The following ADAMTS2 variants were observed in gnomAD, a reference collection of about 807,000 sequenced individuals.
ADAMTS2 encodes the protein ADAM metallopeptidase with thrombospondin type 1 motif 2, also known as A disintegrin and metalloproteinase with thrombospondin motifs 2.
Under a neutral mutation model 123.0 loss-of-function variants are expected in ADAMTS2, and 50 were observed. That is an observed-to-expected ratio of 0.41 (90% CI 0.32 to 0.51). The LOEUF (loss-of-function observed/expected upper bound fraction) is 0.51. ADAMTS2 is among the 20% of genes least tolerant of loss of function. The probability of loss-of-function intolerance (pLI) is 0.35; values close to 1 mark genes in which losing one functional copy is unlikely to be tolerated. For synonymous variants in ADAMTS2, 678 were observed against 695.4 expected (o/e 0.98, Z 0.39); for missense variants, 1,494 against 1,705.2 (o/e 0.88, Z 2.18).
rs1364746369 is a variant in ADAMTS2 at position 179,189,776 on chromosome 5, G to C, written c.892-8621C>G. ...ACAATATTACAAAGTATCTTCTTAA[G>C]GATGGGGGTGGGGAAGAATATTACT... On this transcript the variant is annotated intron_variant, in intron 4 of 21. Coordinates refer to ENST00000251582, the MANE Select transcript of ADAMTS2 (RefSeq NM_014244.5). This position sits in a 1 kb window ranked among gnomAD's most constrained non-coding sequence, Gnocchi z 4.2. Among the ~76,000 whole-genome samples the C allele has an allele frequency of 6.6e-6, 1 of 150,416 alleles. No individual in the cohort carries two copies.
At chr5:179,321,785 AGCT>A (rs1757187846) in intron 2 of ADAMTS2, among the ~76,000 whole-genome samples, 1 of 152,012 alleles carries the variant, frequency 6.6e-6, no homozygotes, top group African/African-American at 2.4e-5. Context: ...CCTCTCTCCA[AGCT>A]ACCCTTCCTC....
intron 4 of ADAMTS2, among the ~76,000 whole-genome samples, chr5:179,199,058 T>C (rs1029302119): frequency 2.6e-5 from 4 of 152,010 alleles, no homozygotes; most frequent in Non-Finnish European, 4.4e-5. Context: ...GCAGCAGGTG[T>C]TCCCTCAGGC....
intron 2 of ADAMTS2, among the ~76,000 whole-genome samples, chr5:179,309,932 C>T (rs1234666793): frequency 6.6e-6 from 1 of 152,222 alleles, no homozygotes; most frequent in African/African-American, 2.4e-5. Flanking sequence ...CAGGCCCCCA[C>T]TGCATGTCCC....
At position 179,188,271 on chromosome 5, in the gene ADAMTS2, G is replaced by T. The variant is rs944110766; in HGVS notation, c.892-7116C>A. Among the ~76,000 whole-genome samples the T allele has an allele frequency of 2.0e-5, 3 of 152,188 alleles. No individual in the cohort carries two copies. Among genetic ancestry groups the T allele is most frequent in the African/African-American group, 7.2e-5 (3 of 41,444 alleles). ...AAAAGTCTGTCAGAGGCCTGGGGGA[G>T]GGGGGCCTGCTGCTCTGTGGCTTCT... is the stretch of plus-strand genomic sequence containing the variant. On this transcript the variant is annotated intron_variant, in intron 4 of 21. Coordinates refer to ENST00000251582, the MANE Select transcript of ADAMTS2 (RefSeq NM_014244.5). This position sits in a 1 kb window ranked among gnomAD's most constrained non-coding sequence, Gnocchi z 5.1.
chr5:179,196,406 TG>T (rs1457599195), intron 4 of ADAMTS2, among the ~76,000 whole-genome samples: 2 of 152,200 alleles, frequency 1.3e-5, no homozygotes, highest in Non-Finnish European at 2.9e-5. Flanking sequence ...AGAGATGCTT[TG>T]GGGGCTCAGG....
At chr5:179,245,541 C>A (rs531698677) in intron 3 of ADAMTS2, among the ~76,000 whole-genome samples, 1 of 148,910 alleles carries the variant, frequency 6.7e-6, no homozygotes, top group East Asian at 2.0e-4. Context: ...CCGAGGCAGG[C>A]GGATCACGAG....
rs551906418 is a variant in ADAMTS2, at chr5:179,329,112, G to A, written c.534+14655C>T. 3.3e-5 allele frequency among the ~76,000 whole-genome samples: 5 copies of A among 152,240 alleles called. No individual in the cohort carries two copies. The East Asian group carries it at 5.8e-4, about 18-fold the overall frequency. On this transcript the variant is annotated intron_variant, in intron 2 of 21. Coordinates refer to ENST00000251582, the MANE Select transcript of ADAMTS2 (RefSeq NM_014244.5). ...GGAGGCCAAGGAGGGCGGATCACGA[G>A]GTCAGGAGATGGAGACCATCCTGGC...
At chr5:179,141,319 G>C (rs1368349629) in intron 10 of ADAMTS2, among the ~76,000 whole-genome samples, 4 of 152,074 alleles carry the variant, frequency 2.6e-5, no homozygotes, top group Non-Finnish European at 5.9e-5. Flanking sequence ...AATCAATTCT[G>C]CCATCAGAGC....
At position 179,202,744 on chromosome 5, in the gene ADAMTS2, G is replaced by A. The variant is rs905371299; in HGVS notation, c.891+4769C>T. On this transcript the variant is annotated intron_variant, in intron 4 of 21. Transcript: ENST00000251582. The surrounding 1 kb of genome is among the most constrained non-coding windows in gnomAD (Gnocchi z 4.0). ...TGTTTCCTTACTCACACCATGGCGCGGGGTGGGTCGGGAGGGCCCGAGCCT... is the reference window on the plus strand; with the variant it reads ...TGTTTCCTTACTCACACCATGGCGCAGGGTGGGTCGGGAGGGCCCGAGCCT... Among the ~76,000 whole-genome samples, 15 of 152,152 alleles carry A rather than the reference G, an allele frequency of 9.9e-5. No individual in the cohort carries two copies. Among genetic ancestry groups the A allele is most frequent in the Admixed American group, 3.3e-4 (5 of 15,274 alleles).
At chr5:179,230,515 C>G (rs1765386244) in intron 3 of ADAMTS2, among the ~76,000 whole-genome samples, 1 of 97,614 alleles carries the variant, frequency 1.0e-5, no homozygotes, top group Non-Finnish European at 2.1e-5. Context: ...GCTGTGCACA[C>G]AGGCACACAG....
intron 3 of ADAMTS2, among the ~76,000 whole-genome samples, chr5:179,261,301 TG>T (rs202164646): frequency 0.011 from 1,682 of 152,342 alleles, 32 homozygotes; most frequent in African/African-American, 0.038. Flanking sequence ...AACGCCGCTT[TG>T]CTGCCGGAGC....
Position 179,301,587 on chromosome 5 carries a change from C to T in ADAMTS2, c.535-28523G>A, listed in dbSNP as rs1446603072. Among the ~76,000 whole-genome samples the T allele has an allele frequency of 6.6e-5, 10 of 152,350 alleles. No homozygotes were observed. The South Asian group carries it at 1.7e-3, about 25-fold the overall frequency. Reference sequence around the variant, plus strand: ...ATCTCTTGAGGGCTGCCCTGTGGCGCCCAGATGCCGCAGGGAGACAAGGCT... The same window carrying T: ...ATCTCTTGAGGGCTGCCCTGTGGCGTCCAGATGCCGCAGGGAGACAAGGCT... On this transcript the variant is annotated intron_variant, in intron 2 of 21. Transcript: ENST00000251582.
At chr5:179,274,529 G>A (rs76466021) in intron 2 of ADAMTS2, among the ~76,000 whole-genome samples, 6,145 of 152,098 alleles carry the variant, frequency 0.04, 171 homozygotes, top group Non-Finnish European at 0.065. Context: ...CTGGATGTGC[G>A]GAAACCACAC....
In ADAMTS2 at chr5:179,322,933, G is replaced by A. The variant is rs533196531; in HGVS notation, c.534+20834C>T. ...GAGTGGACGCTCTCCTCCTGAGCAC[G>A]GTGTGGAAGCAGGGCCGTGCCCAGC... is the stretch of plus-strand genomic sequence containing the variant. On this transcript the variant is annotated intron_variant, in intron 2 of 21. Transcript: ENST00000251582. 7.2e-5 allele frequency among the ~76,000 whole-genome samples: 11 copies of A among 152,358 alleles called. No homozygotes were observed. In the South Asian group the frequency reaches 1.7e-3, roughly 23 times the overall value.
At chr5:179,304,164 A>G (rs1025316736) in intron 2 of ADAMTS2, among the ~76,000 whole-genome samples, 2 of 152,226 alleles carry the variant, frequency 1.3e-5, no homozygotes, top group African/African-American at 4.8e-5. Context: ...CCACAGGCAC[A>G]TTGGAACTTG....
intron 10 of ADAMTS2, among the ~76,000 whole-genome samples, chr5:179,149,326 A>G (rs1303020595): frequency 6.6e-6 from 1 of 152,118 alleles, no homozygotes; most frequent in African/African-American, 2.4e-5. Flanking sequence ...CCAGAAGCCA[A>G]CCTTGCTGGC....
intron 2 of ADAMTS2, among the ~76,000 whole-genome samples, chr5:179,330,302 A>T (rs888737284): frequency 6.6e-5 from 10 of 152,056 alleles, no homozygotes; most frequent in African/African-American, 2.4e-4. Flanking sequence ...GAGCCCCCAG[A>T]GTCTATCAGG....
intron 2 of ADAMTS2, among the ~76,000 whole-genome samples, chr5:179,316,189 G>A (rs957548102): frequency 1.6e-4 from 24 of 152,204 alleles, no homozygotes; most frequent in African/African-American, 5.3e-4. Flanking sequence ...CAGCAGACGG[G>A]AGACAAGAGC....
chr5:179,156,708 T>A (rs1763479078), intron 6 of ADAMTS2, among the ~76,000 whole-genome samples: 1 of 152,114 alleles, frequency 6.6e-6, no homozygotes, highest in South Asian at 2.1e-4. Flanking sequence ...TTTATACAAA[T>A]GGTTTGTTGT....
Sources: allele counts gnomAD v4.1 joint callset (sites outside exome capture counted in the v4.1 genomes callset), GRCh38; gene constraint gnomAD v4.1.1; non-coding constraint Gnocchi (gnomAD v3.1); transcripts MANE v1.5; gene names NCBI Gene and HGNC (gene_info 2026-07-23, HGNC 2026-07-21).